The following FOXN3 variants were observed in gnomAD, a reference collection of about 807,000 sequenced individuals.
FOXN3 encodes the protein forkhead box N3.
A neutral mutation model predicts 38.4 loss-of-function variants in FOXN3; 7 were observed. That is an observed-to-expected ratio of 0.18 (90% CI 0.10 to 0.34). The LOEUF (loss-of-function observed/expected upper bound fraction) is 0.34, where lower values mean the gene tolerates loss of function less well. Among genes scored for constraint, FOXN3 ranks in the 10% least tolerant of loss-of-function variants. The probability of loss-of-function intolerance (pLI) is 1.00; values close to 1 mark genes in which losing one functional copy is unlikely to be tolerated. For synonymous variants in FOXN3, 230 were observed against 242.2 expected (o/e 0.95, Z 0.47); for missense variants, 456 against 613.4 (o/e 0.74, Z 2.71).
rs1293450862 is a variant in FOXN3, at chr14:89,185,531, A to ACG, written c.746-4727_746-4726dup. The ACG allele has an allele frequency of 5.3e-5, 8 of 152,350 alleles. No homozygotes were observed. The South Asian group carries it at 8.3e-4, about 16-fold the overall frequency. The allele number at this position is 152,350 out of a possible 1,614,324, so 9.4% of individuals were successfully genotyped here. On this transcript the variant is annotated intron_variant, in intron 4 of 5. Coordinates refer to ENST00000557258, the MANE Select transcript of FOXN3 (RefSeq NM_005197.4). ...GACCAAAACCTTTACAGCCAATCTGACGCACCTGATGTACTGAAGTGCACT... is the reference window on the plus strand; with the variant it reads ...GACCAAAACCTTTACAGCCAATCTGACGCGCACCTGATGTACTGAAGTGCACT...
At chr14:89,591,508 C>T (rs77803288) in intron 1 of FOXN3, among the ~76,000 whole-genome samples, 4,675 of 152,296 alleles carry the variant, frequency 0.031, 107 homozygotes, top group Non-Finnish European at 0.049. Context: ...CCATGAGCAG[C>T]GCTACTCAGG....
At chr14:89,235,786 C>A (rs745739400) in intron 4 of FOXN3, among the ~76,000 whole-genome samples, 2 of 143,134 alleles carry the variant, frequency 1.4e-5, no homozygotes, top group Non-Finnish European at 2.9e-5. Flanking sequence ...AGGATGGGGC[C>A]ACAAGTCGAG....
In FOXN3 at chr14:89,475,481, C is replaced by T. The variant is rs542722157; in HGVS notation, c.-14-62991G>A. Reference sequence around the variant, plus strand: ...GATCAGCCTGGACAACCTAGGGAGACGCCATCTCTACAAAAATTAAAAAAT... The same window carrying T: ...GATCAGCCTGGACAACCTAGGGAGATGCCATCTCTACAAAAATTAAAAAAT... On this transcript the variant is annotated intron_variant, in intron 1 of 6. Transcript: ENST00000345097. Among the ~76,000 whole-genome samples, 23 of 152,042 alleles carry T rather than the reference C, an allele frequency of 1.5e-4. No individual in the cohort carries two copies. In the South Asian group the frequency reaches 3.1e-3, roughly 21 times the overall value.
At chr14:89,567,357 C>T (rs1002750273) in intron 1 of FOXN3, among the ~76,000 whole-genome samples, 1 of 152,036 alleles carries the variant, frequency 6.6e-6, no homozygotes, top group Admixed American at 6.6e-5. Context: ...GGGGTATAAA[C>T]CTAGGTATGA....
intron 4 of FOXN3, among the ~76,000 whole-genome samples, chr14:89,279,989 A>G (rs1886410601): frequency 6.6e-6 from 1 of 152,156 alleles, no homozygotes; most frequent in Non-Finnish European, 1.5e-5. Flanking sequence ...GAAAGAGGCT[A>G]AACAGCTCTC....
chr14:89,277,242 A>G (rs1445446753), intron 4 of FOXN3, among the ~76,000 whole-genome samples: 8 of 152,378 alleles, frequency 5.3e-5, no homozygotes, highest in African/African-American at 7.2e-5. Context: ...ACCGTAACAC[A>G]GAGACACACA....
chr14:89,288,548 G>A (rs1366540550), intron 3 of FOXN3, among the ~76,000 whole-genome samples: 1 of 151,086 alleles, frequency 6.6e-6, no homozygotes, highest in African/African-American at 2.4e-5. Flanking sequence ...AACATTATAC[G>A]AACAAAACTT....
intron 2 of FOXN3, among the ~76,000 whole-genome samples, chr14:89,399,698 TGG>T (rs1280993349): frequency 6.6e-6 from 1 of 152,208 alleles, no homozygotes; most frequent in African/African-American, 2.4e-5. Flanking sequence ...CCCTTCCTTC[TGG>T]AAGGGGGAGG....
At chr14:89,556,233 G>A (rs1436415508) in intron 1 of FOXN3, among the ~76,000 whole-genome samples, 4 of 151,906 alleles carry the variant, frequency 2.6e-5, no homozygotes, top group African/African-American at 7.3e-5. Flanking sequence ...GAGAAACCCC[G>A]TCTCTACTAA....
At chr14:89,308,809 G>GT (rs1223297948) in intron 3 of FOXN3, among the ~76,000 whole-genome samples, 11 of 152,226 alleles carry the variant, frequency 7.2e-5, no homozygotes, top group African/African-American at 2.2e-4. Context: ...CTGAGCAGAT[G>GT]TAACACACTG....
At chr14:89,607,017 C>G (rs1431407201) in intron 1 of FOXN3, among the ~76,000 whole-genome samples, 1 of 151,994 alleles carries the variant, frequency 6.6e-6, no homozygotes, top group Non-Finnish European at 1.5e-5. Context: ...TTATTAATAA[C>G]CAAGAAAATT....
chr14:89,570,620 G>A (rs921159689), intron 1 of FOXN3, among the ~76,000 whole-genome samples: 11 of 152,090 alleles, frequency 7.2e-5, no homozygotes, highest in African/African-American at 2.7e-4. Flanking sequence ...GGCTCAGGAC[G>A]GCTTTGAATG....
chr14:89,286,289 C>T (rs76795724), intron 3 of FOXN3, among the ~76,000 whole-genome samples: 3 of 151,770 alleles, frequency 2.0e-5, no homozygotes, highest in East Asian at 1.9e-4. Flanking sequence ...GTGCTTGGGG[C>T]GGGAAGAAAG....
intron 4 of FOXN3, among the ~76,000 whole-genome samples, chr14:89,247,619 C>T (rs1033794271): frequency 3.3e-5 from 5 of 152,178 alleles, no homozygotes; most frequent in African/African-American, 4.8e-5. Context: ...ACCATAGTCT[C>T]GGTCAAATCA....
intron 1 of FOXN3, among the ~76,000 whole-genome samples, chr14:89,505,374 G>A (rs1274868253): frequency 6.7e-6 from 1 of 148,544 alleles, no homozygotes; most frequent in Non-Finnish European, 1.5e-5. Flanking sequence ...CAACCTCCCT[G>A]CCTGTTTCTC....
At chr14:89,429,175 C>A (rs1313262102) in intron 1 of FOXN3, among the ~76,000 whole-genome samples, 1 of 152,218 alleles carries the variant, frequency 6.6e-6, no homozygotes, top group East Asian at 1.9e-4. Context: ...AAAAGTCATG[C>A]TGTCAACCCC....
intron 3 of FOXN3, among the ~76,000 whole-genome samples, chr14:89,328,767 C>T (rs76186975): frequency 0.19 from 29,363 of 152,218 alleles, 3,063 homozygotes; most frequent in African/African-American, 0.27. Flanking sequence ...CAGGTAATTA[C>T]ATCACAGATA....
Position 89,446,087 on chromosome 14 carries a change from C to CAAAAAAAAAA in FOXN3, c.-14-33607_-14-33598dup, listed in dbSNP as rs576883864. 6.2e-4 allele frequency among the ~76,000 whole-genome samples: 25 copies of CAAAAAAAAAA among 40,110 alleles called. 1 individual carries two copies. The highest frequency in any genetic ancestry group is 1.5e-3 in the African/African-American group (18 of 11,756). The allele number at this position is 40,110 out of a possible 152,430, so 26.3% of individuals were successfully genotyped here. A position where few individuals can be genotyped will look rare whatever the true frequency, so the allele number is the denominator to read the frequency against. ...TGGGTAACAGAGCGAGACCCTGCCT[C>CAAAAAAAAAA]AAAAAAAAAAAAAAAAAAAAAAAAT... On this transcript the variant is annotated intron_variant, in intron 1 of 6. Transcript: ENST00000345097.
At chr14:89,262,741 T>TC (rs1285123203) in intron 4 of FOXN3, among the ~76,000 whole-genome samples, 1 of 151,836 alleles carries the variant, frequency 6.6e-6, no homozygotes, top group Non-Finnish European at 1.5e-5. Context: ...TGATGCTAAT[T>TC]TTTTTTTATT....
Sources: gnomAD v4.1 joint callset for allele counts (sites outside exome capture counted in the v4.1 genomes callset) on GRCh38, gnomAD v4.1.1 for gene constraint, MANE v1.5 for transcripts, NCBI Gene and HGNC (gene_info 2026-07-23, HGNC 2026-07-21) for gene names.